SLC30A6: variants seen among roughly 807,000 people sequenced by gnomAD.
The protein encoded by SLC30A6 is zinc transporter 6.
A neutral mutation model predicts 63.0 loss-of-function variants in SLC30A6; 55 were observed. The ratio of observed to expected loss-of-function variants is 0.87; its 90% CI spans 0.70 to 1.09. The LOEUF is 1.09. Among genes scored for constraint, SLC30A6 ranks in the 50% least tolerant of loss-of-function variants. The pLI is 0.00. For synonymous variants in SLC30A6, 224 were observed against 186.1 expected (o/e 1.20, Z -1.66); for missense variants, 587 against 549.2 (o/e 1.07, Z -0.69).
chr2:32,171,410 CA>C, intron 2 of SLC30A6, 37 bp downstream of exon 2: 1 of 1,479,616 alleles, frequency 6.8e-7, no homozygotes, highest in South Asian at 1.1e-5. Flanking sequence ...AATTATTGCA[CA>C]AACAACATTA....
chr2:32,195,517 C>T (rs1683711322), intron 8 of SLC30A6, among the ~76,000 whole-genome samples: 1 of 151,464 alleles, frequency 6.6e-6, no homozygotes, highest in Non-Finnish European at 1.5e-5. Context: ...ATAAATAACT[C>T]TATAATCAGC....
intron 4 of SLC30A6, among the ~76,000 whole-genome samples, chr2:32,182,323 CTAGAT>C (rs1682400761): frequency 6.6e-6 from 1 of 152,170 alleles, no homozygotes; most frequent in Admixed American, 6.5e-5. Context: ...CAAAACCAAC[CTAGAT>C]TATTTGCTGA....
chr2:32,187,974 T>A (rs1335103093), intron 5 of SLC30A6, among the ~76,000 whole-genome samples: 1 of 152,192 alleles, frequency 6.6e-6, no homozygotes, highest in Non-Finnish European at 1.5e-5. Context: ...TGTATCATAT[T>A]ATCCCTCTCC....
At chr2:32,193,628 A>T (rs1407633429) in intron 7 of SLC30A6, among the ~76,000 whole-genome samples, 1 of 152,330 alleles carries the variant, frequency 6.6e-6, no homozygotes, top group East Asian at 1.9e-4. Flanking sequence ...TGATATTTAT[A>T]CAGATTTATA....
chr2:32,208,084 G>A (rs545694751), intron 12 of SLC30A6, among the ~76,000 whole-genome samples: 4 of 151,836 alleles, frequency 2.6e-5, no homozygotes, highest in South Asian at 2.1e-4. Context: ...CACCCGCCTC[G>A]GCCTCCCAAA....
chr2:32,197,860 G>T, intron 10 of SLC30A6, 34 bp downstream of exon 10: 1 of 1,609,300 alleles, frequency 6.2e-7, no homozygotes, highest in South Asian at 1.1e-5. Flanking sequence ...AGTATGTTTT[G>T]ATTTCTGGGG....
At chr2:32,207,491 C>G (rs1223402082) in intron 12 of SLC30A6, among the ~76,000 whole-genome samples, 1 of 151,756 alleles carries the variant, frequency 6.6e-6, no homozygotes, top group Non-Finnish European at 1.5e-5. Flanking sequence ...ATTCTCCTGC[C>G]TCAGCCTCCT....
chr2:32,200,034 G>A (rs945911719), intron 10 of SLC30A6, among the ~76,000 whole-genome samples: 10 of 151,802 alleles, frequency 6.6e-5, no homozygotes, highest in African/African-American at 2.4e-4. Context: ...AGAATCGCTT[G>A]AACCCAGGAA....
chr2:32,177,871 T>C (rs1393098916), intron 4 of SLC30A6, among the ~76,000 whole-genome samples: 2 of 151,946 alleles, frequency 1.3e-5, no homozygotes, highest in African/African-American at 4.8e-5. Flanking sequence ...TCAAGTCATC[T>C]GCCTGCCTCC....
In SLC30A6 at chr2:32,204,700, G is replaced by C. The variant is rs757116404; in HGVS notation, c.768+8G>C. On this transcript the variant is annotated splice_region_variant and intron_variant, in intron 11 of 13. Coordinates refer to ENST00000282587, the MANE Select transcript of SLC30A6 (RefSeq NM_017964.5). Reference sequence around the variant, plus strand: ...GGGAAAGTCTTACTCCAGGTAAGGTGCTTCTTCCAATGCACGTGCTTAATA... The same window carrying C: ...GGGAAAGTCTTACTCCAGGTAAGGTCCTTCTTCCAATGCACGTGCTTAATA... 1.2e-5 allele frequency: 19 copies of C among 1,571,796 alleles called. No homozygotes were observed. The highest frequency in any genetic ancestry group is 1.5e-5 in the Non-Finnish European group (17 of 1,148,566).
intron 13 of SLC30A6, chr2:32,214,438 TTTAA>T (rs942510960): frequency 3.3e-5 from 5 of 152,200 alleles, no homozygotes; most frequent in African/African-American, 7.2e-5. Context: ...CCTTTATTTT[TTTAA>T]TTAATTAATT....
At chr2:32,171,433 A>G (rs912235486) in intron 2 of SLC30A6, 60 bp downstream of exon 2, 8 of 1,370,584 alleles carry the variant, frequency 5.8e-6, no homozygotes, top group African/African-American at 2.9e-5. Flanking sequence ...AACATTGAAG[A>G]AAGATAATTT....
intron 4 of SLC30A6, among the ~76,000 whole-genome samples, chr2:32,181,828 A>G (rs1348510665): frequency 6.6e-6 from 1 of 151,958 alleles, no homozygotes; most frequent in African/African-American, 2.4e-5. Flanking sequence ...GGATTGTGCC[A>G]CTGCACTCCA....
chr2:32,210,759 C>G (rs576280939), intron 13 of SLC30A6, among the ~76,000 whole-genome samples: 1 of 152,104 alleles, frequency 6.6e-6, no homozygotes, highest in Non-Finnish European at 1.5e-5. Context: ...TAGTTTCAGG[C>G]TATGCTTTTG....
intron 4 of SLC30A6, among the ~76,000 whole-genome samples, chr2:32,182,364 G>C (rs1682404539): frequency 6.6e-6 from 1 of 152,134 alleles, no homozygotes; most frequent in Non-Finnish European, 1.5e-5. Context: ...CCATATTCTT[G>C]CTGCTTACAT....
At chr2:32,166,208 A>G (rs1011135171) in intron 1 of SLC30A6, among the ~76,000 whole-genome samples, 4 of 152,228 alleles carry the variant, frequency 2.6e-5, no homozygotes, top group African/African-American at 9.6e-5. Context: ...AGTTTTTGCC[A>G]GCGTCAACAA....
chr2:32,199,270 T>C (rs944420382), intron 10 of SLC30A6, among the ~76,000 whole-genome samples: 1 of 152,238 alleles, frequency 6.6e-6, no homozygotes, highest in Non-Finnish European at 1.5e-5. Flanking sequence ...ATTGGTTGCA[T>C]TTCTTTGACT....
chr2:32,175,450 G>A (rs907801964), intron 4 of SLC30A6, 89 bp downstream of exon 4: 12 of 1,069,704 alleles, frequency 1.1e-5, no homozygotes, highest in Non-Finnish European at 1.7e-5. Context: ...AATAAAAACA[G>A]CAACTACTGA....
intron 10 of SLC30A6, 38 bp from the exon 11 acceptor site, chr2:32,204,552 A>G (rs1230619635): frequency 1.5e-6 from 2 of 1,366,314 alleles, no homozygotes; most frequent in Middle Eastern, 1.8e-4. Context: ...GCCCAGTGAG[A>G]TATAAATTTA....
Sources: gnomAD v4.1 joint callset for allele counts (sites outside exome capture counted in the v4.1 genomes callset) on GRCh38, gnomAD v4.1.1 for gene constraint, MANE v1.5 for transcripts, NCBI Gene and HGNC (gene_info 2026-07-23, HGNC 2026-07-21) for gene names.